Variants in ADGRV1 observed in about 807,000 individuals in gnomAD.
The protein encoded by ADGRV1 is G-protein coupled receptor 98.
ADGRV1 carries 359 observed loss-of-function variants against 596.2 expected under a neutral mutation model. The ratio of observed to expected loss-of-function variants is 0.60; its 90% CI spans 0.55 to 0.66. The LOEUF (loss-of-function observed/expected upper bound fraction) is 0.66. Ranked by LOEUF, ADGRV1 falls within the 30% of genes least tolerant of loss-of-function variation. ADGRV1 has a pLI of 0.00. For missense variants in ADGRV1, 7,274 were observed against 7,575.6 expected (o/e 0.96, Z 1.48); for synonymous variants, 2,681 against 2,679.2 (o/e 1.00, Z -0.02).
chr5:90,996,040 G>T (rs756091976), intron 85 of ADGRV1, among the ~76,000 whole-genome samples: 1 of 152,208 alleles, frequency 6.6e-6, no homozygotes, highest in Non-Finnish European at 1.5e-5. Context: ...AAGCATAAAA[G>T]TTTGGAAAAT....
chr5:91,156,758 G>T (rs890709097), intron 89 of ADGRV1, among the ~76,000 whole-genome samples: 5 of 152,058 alleles, frequency 3.3e-5, no homozygotes. Context: ...AAAAAGTAAT[G>T]TAGTAATCAT....
chr5:90,900,699 A>G (rs1771759720), intron 83 of ADGRV1, among the ~76,000 whole-genome samples: 1 of 152,120 alleles, frequency 6.6e-6, no homozygotes, highest in Non-Finnish European at 1.5e-5. Flanking sequence ...CTTTGACACA[A>G]TTCATCACTC....
intron 89 of ADGRV1, among the ~76,000 whole-genome samples, chr5:91,159,589 C>T (rs994187054): frequency 1.3e-5 from 2 of 152,144 alleles, no homozygotes; most frequent in African/African-American, 2.4e-5. Context: ...ATTTCACTCT[C>T]AAAAAAGATG....
rs115729029 is a variant in ADGRV1, at chr5:91,011,092, G to A, written c.18152+25570G>A. On this transcript the variant is annotated intron_variant, in intron 85 of 89. Transcript: ENST00000405460. ...CTCTAGGAAATGGGATGGGGAAGGG[G>A]TATCAGGAGTATTTTACTTTCTGCT... 1.1e-3 allele frequency among the ~76,000 whole-genome samples: 168 copies of A among 152,022 alleles called. 1 individual carries two copies. Among genetic ancestry groups the A allele is most frequent in the African/African-American group, 3.9e-3 (162 of 41,518 alleles).
chr5:90,903,139 T>C (rs1452720596), intron 83 of ADGRV1, among the ~76,000 whole-genome samples: 1 of 152,096 alleles, frequency 6.6e-6, no homozygotes, highest in Non-Finnish European at 1.5e-5. Context: ...GTGTCTAAGA[T>C]TTACCAACTT....
chr5:90,636,030 G>A (rs549912728), intron 10 of ADGRV1, among the ~76,000 whole-genome samples: 148 of 152,032 alleles, frequency 9.7e-4, no homozygotes, highest in African/African-American at 3.5e-3. Context: ...CTTGATGATG[G>A]AGATGATAGT....
chr5:90,803,505 A>G (rs1463994189), intron 71 of ADGRV1, among the ~76,000 whole-genome samples: 3 of 151,900 alleles, frequency 2.0e-5, no homozygotes, highest in Non-Finnish European at 4.4e-5. Context: ...ATTCTATCCT[A>G]CTCCTTCAGG....
In ADGRV1 at chr5:90,724,908, G is replaced by C; in HGVS notation, c.9825G>C (p.Leu3275Phe). The C allele has an allele frequency of 6.2e-7, 1 of 1,611,858 alleles. No individual in the cohort carries two copies. The highest frequency in any genetic ancestry group is 2.2e-5 in the East Asian group (1 of 44,706). Residue 3275 changes from leucine to phenylalanine, a missense_variant, in exon 46 of 90, where the codon TTG becomes TTC. Leu to Phe is a conservative substitution (Grantham distance 22). Around this residue, in one of 5 missense-constraint regions of ADGRV1, gnomAD observed 3,643 missense variants for 3,809.2 expected, o/e 0.96. Transcript: ENST00000405460. The part of the protein sequence containing the change: ...ESASGWCFFT[L>F]ENLIYGIMLR... Reference sequence around the variant, plus strand: ...CTTCTGGCTGGTGTTTCTTTACTTTGGAAAATTTAATATATGGTATAATGT... The same window carrying C: ...CTTCTGGCTGGTGTTTCTTTACTTTCGAAAATTTAATATATGGTATAATGT...
chr5:90,989,007 A>G (rs1268054267), intron 85 of ADGRV1, among the ~76,000 whole-genome samples: 1 of 151,846 alleles, frequency 6.6e-6, no homozygotes, highest in Non-Finnish European at 1.5e-5. Context: ...TCCATGGTGT[A>G]TATGTACCAC....
intron 85 of ADGRV1, among the ~76,000 whole-genome samples, chr5:91,027,545 C>T (rs897875793): frequency 6.6e-6 from 1 of 152,106 alleles, no homozygotes; most frequent in Non-Finnish European, 1.5e-5. Flanking sequence ...GGAAGGAGGG[C>T]AGTCACTGAG....
At chr5:90,829,809 A>C (rs1764376818) in intron 77 of ADGRV1, among the ~76,000 whole-genome samples, 1 of 152,106 alleles carries the variant, frequency 6.6e-6, no homozygotes, top group African/African-American at 2.4e-5. Context: ...GTGAAACTCT[A>C]ATATAGTAAA....
At chr5:90,994,726 T>C (rs903140542) in intron 85 of ADGRV1, among the ~76,000 whole-genome samples, 1 of 152,252 alleles carries the variant, frequency 6.6e-6, no homozygotes, top group African/African-American at 2.4e-5. Flanking sequence ...TAGTAGTTGC[T>C]ATTTATTGAC....
Position 90,653,260 on chromosome 5 carries a change from C to T in ADGRV1, c.3686C>T (p.Thr1229Ile). Residue 1229 changes from threonine (T) to isoleucine (I), a missense_variant, in exon 20 of 90, where the codon ACA becomes ATA. Around this residue, in one of 5 missense-constraint regions of ADGRV1, gnomAD observed 1,715 missense variants for 1,708.8 expected, o/e 1.00. Transcript: ENST00000405460. ...GQLAETNLQVTVMVPFNDDPF... is the reference protein window; with the variant it reads ...GQLAETNLQVIVMVPFNDDPF... Reference sequence around the variant, plus strand: ...CTAGCAGAAACCAACCTCCAGGTGACAGTAATGGTTCCATTCAATGATGAT... The same window carrying T: ...CTAGCAGAAACCAACCTCCAGGTGATAGTAATGGTTCCATTCAATGATGAT... 1 of 1,613,618 alleles carries T rather than the reference C, an allele frequency of 6.2e-7. No homozygotes were observed. Among genetic ancestry groups the T allele is most frequent in the Non-Finnish European group, 8.5e-7 (1 of 1,179,686 alleles).
intron 87 of ADGRV1, among the ~76,000 whole-genome samples, chr5:91,139,450 A>G (rs1467292947): frequency 6.6e-6 from 1 of 152,210 alleles, no homozygotes; most frequent in African/African-American, 2.4e-5. Context: ...GAGATAAGGC[A>G]TCTCATTTGC....
rs1315773964 is a variant in ADGRV1, at chr5:90,783,321, G to T, written c.13429G>T (p.Glu4477Ter). The T allele has an allele frequency of 1.2e-6, 2 of 1,602,630 alleles. No homozygotes were observed. The highest frequency in any genetic ancestry group is 1.7e-6 in the Non-Finnish European group (2 of 1,170,598). ...AAATATCTCCATCATTGATGACAAT[G>T]AAAGGTTGGTATATAGAAAATAATG... ...FINISIIDDNESEFEEPIEIL... is the reference protein window; with the variant it reads ...FINISIIDDN Residue 4477 changes from glutamate to a stop codon, truncating the protein, a stop_gained, in exon 66 of 90, where the codon GAA (glutamate) becomes TAA (stop). Transcript: ENST00000405460. LOFTEE classifies it high-confidence loss of function.
chr5:90,908,333 G>A (rs1377490470), intron 83 of ADGRV1, among the ~76,000 whole-genome samples: 1 of 152,038 alleles, frequency 6.6e-6, no homozygotes, highest in Non-Finnish European at 1.5e-5. Context: ...GGGGTAAATG[G>A]GGTATCCATC....
chr5:90,598,262 A>G (rs1760960132), intron 1 of ADGRV1, among the ~76,000 whole-genome samples: 2 of 152,238 alleles, frequency 1.3e-5, no homozygotes, highest in South Asian at 4.1e-4. Flanking sequence ...ATGCCATTGA[A>G]TGATGAATGA....
intron 74 of ADGRV1, among the ~76,000 whole-genome samples, chr5:90,814,990 A>ATT (rs35375183): frequency 0.06 from 8,930 of 148,550 alleles, 928 homozygotes; most frequent in African/African-American, 0.21. Flanking sequence ...CAGTTTAAAC[A>ATT]TTTTTTTTTT....
chr5:90,919,146 G>T (rs1171302935), intron 83 of ADGRV1, among the ~76,000 whole-genome samples: 1 of 152,100 alleles, frequency 6.6e-6, no homozygotes, highest in Non-Finnish European at 1.5e-5. Flanking sequence ...GCTGCTATTA[G>T]CTTCCTTCCT....
Sources: gnomAD v4.1 joint callset for allele counts (sites outside exome capture counted in the v4.1 genomes callset) on GRCh38, gnomAD v4.1.1 for gene constraint, gnomAD v4.1.1 regional missense constraint, MANE v1.5 for transcripts, NCBI Gene and HGNC (gene_info 2026-07-23, HGNC 2026-07-21) for gene names.